The following NR4A3 variants were observed in gnomAD, a reference collection of about 807,000 sequenced individuals.
The protein encoded by NR4A3 is nuclear receptor subfamily 4 group A member 3.
A neutral mutation model predicts 55.6 loss-of-function variants in NR4A3; 13 were observed. The ratio of observed to expected loss-of-function variants is 0.23; its 90% CI spans 0.15 to 0.37. NR4A3 has a LOEUF of 0.37. NR4A3 is among the 10% of genes least tolerant of loss of function. The pLI, the probability that NR4A3 is intolerant of heterozygous loss-of-function variation, is 1.00. For synonymous variants in NR4A3, 342 were observed against 357.9 expected (o/e 0.96, Z 0.50); for missense variants, 646 against 822.8 (o/e 0.79, Z 2.63).
intron 5 of NR4A3, among the ~76,000 whole-genome samples, chr9:99,834,485 G>GAAAACA (rs756738074): frequency 2.9e-4 from 44 of 151,970 alleles, no homozygotes; most frequent in African/African-American, 9.9e-4. Flanking sequence ...CTACTTGAAG[G>GAAAACA]AAAACAAAAA....
intron 7 of NR4A3, among the ~76,000 whole-genome samples, chr9:99,855,121 GCT>G (rs1295164724): frequency 6.6e-6 from 1 of 150,840 alleles, no homozygotes; most frequent in African/African-American, 2.4e-5. Context: ...CCATGATTTG[GCT>G]CTCTGTTTGT....
At position 99,826,633 on chromosome 9, in the gene NR4A3, A is replaced by G. The variant is rs1827299758; in HGVS notation, c.-3+801A>G. 8 of 695,574 alleles carry G rather than the reference A, an allele frequency of 1.2e-5. No individual in the cohort carries two copies. The South Asian group carries it at 1.4e-4, about 12-fold the overall frequency. 43.1% of individuals were successfully genotyped at this position (695,574 alleles called of 1,614,324 possible). ...ATCCCAACAACTGGACAGCAAGATA[A>G]GTAACTGGACTTCAAACTAGTGAGT... On this transcript the variant is annotated intron_variant, in intron 2 of 7. Transcript: ENST00000395097.
chr9:99,826,081 C>A (rs1207536587), intron 2 of NR4A3, among the ~76,000 whole-genome samples: 1 of 152,182 alleles, frequency 6.6e-6, no homozygotes, highest in Non-Finnish European at 1.5e-5. Flanking sequence ...AAGAGAAATA[C>A]AAATACACCA....
At chr9:99,851,482 C>G (rs1162357177) in intron 7 of NR4A3, among the ~76,000 whole-genome samples, 1 of 152,148 alleles carries the variant, frequency 6.6e-6, no homozygotes, top group East Asian at 1.9e-4. Context: ...ACTAGGCTTG[C>G]TTCCAGGAAA....
In NR4A3 at chr9:99,852,738, G is replaced by A. The variant is rs564734320; in HGVS notation, c.1633+5123G>A. Reference sequence around the variant, plus strand: ...CTTTTTCCTGGTCTTATTGAAACACGACCTCTAAGACTGAGAAGGAGGAAG... The same window carrying A: ...CTTTTTCCTGGTCTTATTGAAACACAACCTCTAAGACTGAGAAGGAGGAAG... On this transcript the variant is annotated intron_variant, in intron 7 of 7. Coordinates refer to ENST00000395097, the MANE Select transcript of NR4A3 (RefSeq NM_006981.4). 7.2e-5 allele frequency among the ~76,000 whole-genome samples: 11 copies of A among 152,104 alleles called. No individual in the cohort carries two copies. In the East Asian group the frequency reaches 1.5e-3, roughly 21 times the overall value.
intron 5 of NR4A3, chr9:99,833,874 T>C (rs766502068): frequency 8.0e-6 from 10 of 1,257,586 alleles, no homozygotes; most frequent in Non-Finnish European, 1.0e-5. Flanking sequence ...TCAGCATTGA[T>C]TGACCTGCTG....
chr9:99,834,772 C>G (rs997794678), intron 5 of NR4A3: 103 of 984,858 alleles, frequency 1.0e-4, no homozygotes, highest in Non-Finnish European at 1.2e-4. Flanking sequence ...TTATAGGCTG[C>G]GAAGCCTCCT....
chr9:99,845,167 C>T (rs768267725), intron 6 of NR4A3, among the ~76,000 whole-genome samples: 4 of 152,216 alleles, frequency 2.6e-5, no homozygotes, highest in Non-Finnish European at 5.9e-5. Context: ...GCAGCTCCAA[C>T]ATTCTATGAT....
rs1443657014 is a variant in NR4A3, at chr9:99,833,377, TCTC to T, written c.1182_1184del (p.Pro395del). The stretch of plus-strand genomic sequence containing the variant: ...GGAACCTTCTCAGCCCTCTCCACCT[TCTC>T]CTCCAATCTGCATGATGAATGCCCT... On this transcript the variant is annotated inframe_deletion, in exon 5 of 8. Transcript: ENST00000395097. The T allele has an allele frequency of 1.2e-6, 2 of 1,613,970 alleles. No homozygotes were observed. Among genetic ancestry groups the T allele is most frequent in the African/African-American group, 1.3e-5 (1 of 74,902 alleles).
chr9:99,856,218 C>T (rs1277884077), intron 7 of NR4A3, among the ~76,000 whole-genome samples: 1 of 151,482 alleles, frequency 6.6e-6, no homozygotes, highest in Non-Finnish European at 1.5e-5. Context: ...CGGTGGGAAC[C>T]CTGAGCTCAT....
Position 99,828,705 on chromosome 9 carries a change from C to A in NR4A3, c.663C>A (p.Leu221=). 7.6e-7 allele frequency: 1 copy of A among 1,312,814 alleles called. No homozygotes were observed. The highest frequency in any genetic ancestry group is 2.2e-5 in the South Asian group (1 of 46,510). The allele number at this position is 1,312,814 out of a possible 1,614,324, so 81.3% of individuals were successfully genotyped here. Residue 221 remains leucine (L), a synonymous_variant, in exon 3 of 8, where the codon CTC becomes CTA. Transcript: ENST00000395097. The surrounding 1 kb of genome is among the most constrained non-coding windows in gnomAD (Gnocchi z 7.7). ...ACGACCCGACGGCCGCTGCCGCGCT[C>A]AGCCTGCCGCTGGGAGCCGCAGCCG... is the stretch of plus-strand genomic sequence containing the variant. ...LGYDPTAAAA[L]SLPLGAAAAA...
At chr9:99,856,865 C>T (rs1827936565) in intron 7 of NR4A3, among the ~76,000 whole-genome samples, 1 of 152,212 alleles carries the variant, frequency 6.6e-6, no homozygotes, top group Non-Finnish European at 1.5e-5. Context: ...CTGGGGACCA[C>T]ACCTTAAGTA....
rs541773876 is a variant in NR4A3, at chr9:99,827,178, C to T, written c.-2-863C>T. On this transcript the variant is annotated intron_variant, in intron 2 of 7. Transcript: ENST00000395097. ...TGTCATAAGGAAATACCTATACTAA[C>T]TTGCCTATTATGATAGTTATAAACT... Among the ~76,000 whole-genome samples, 3 of 152,128 alleles carry T rather than the reference C, an allele frequency of 2.0e-5. No homozygotes were observed. In the South Asian group the frequency reaches 6.2e-4, roughly 32 times the overall value.
chr9:99,831,196 A>T (rs1419198935), intron 3 of NR4A3, among the ~76,000 whole-genome samples: 10 of 152,248 alleles, frequency 6.6e-5, no homozygotes, highest in Non-Finnish European at 1.5e-4. Context: ...CCTGAAGCAA[A>T]ATGCCATCAG....
chr9:99,836,439 A>G (rs1827561246), intron 5 of NR4A3, among the ~76,000 whole-genome samples: 3 of 152,340 alleles, frequency 2.0e-5, no homozygotes, highest in Admixed American at 6.5e-5. Flanking sequence ...GGCAGACCCA[A>G]GTTGATGATG....
In NR4A3 at chr9:99,822,428, G is replaced by A. The variant is rs1302001074; in HGVS notation, c.-177+21G>A. On this transcript the variant is annotated intron_variant, in intron 1 of 7. Transcript: ENST00000395097. This position sits in a 1 kb window ranked among gnomAD's most constrained non-coding sequence, Gnocchi z 4.9. ...CTCAAGTACGTATGAGATTCGCCCA[G>A]TTAATAAGGGGACTTGCTAAAAAAG... 2.0e-5 allele frequency: 3 copies of A among 152,422 alleles called. No individual in the cohort carries two copies. The highest frequency in any genetic ancestry group is 1.3e-4 in the Admixed American group (2 of 15,290). 9.4% of individuals were successfully genotyped at this position (152,422 alleles called of 1,614,324 possible). A position where few individuals can be genotyped will look rare whatever the true frequency, so the allele number is the denominator to read the frequency against.
chr9:99,850,697 A>G (rs559028566), intron 7 of NR4A3, among the ~76,000 whole-genome samples: 6 of 152,302 alleles, frequency 3.9e-5, no homozygotes, highest in African/African-American at 1.4e-4. Context: ...AACACATTTC[A>G]GTTCTCTGAA....
chr9:99,842,050 A>G (rs140768289), intron 5 of NR4A3, among the ~76,000 whole-genome samples: 5 of 151,762 alleles, frequency 3.3e-5, no homozygotes, highest in Non-Finnish European at 7.4e-5. Context: ...ATGATCCTAC[A>G]TTATTTCCCA....
intron 7 of NR4A3, among the ~76,000 whole-genome samples, chr9:99,859,655 T>C (rs1010921147): frequency 1.3e-5 from 2 of 152,184 alleles, no homozygotes; most frequent in Non-Finnish European, 2.9e-5. Flanking sequence ...GCCATAGTTA[T>C]TGAGCAGTCG....
Sources: allele counts gnomAD v4.1 joint callset (sites outside exome capture counted in the v4.1 genomes callset), GRCh38; gene constraint gnomAD v4.1.1; non-coding constraint Gnocchi (gnomAD v3.1); transcripts MANE v1.5; gene names NCBI Gene and HGNC (gene_info 2026-07-23, HGNC 2026-07-21).